The following ADAM12 variants were observed in gnomAD, a reference collection of about 807,000 sequenced individuals.
The protein encoded by ADAM12 is ADAM metallopeptidase domain 12.
Under a neutral mutation model 106.4 loss-of-function variants are expected in ADAM12, and 70 were observed. The ratio of observed to expected loss-of-function variants is 0.66; its 90% CI spans 0.54 to 0.80. ADAM12 has a LOEUF of 0.80. Among genes scored for constraint, ADAM12 ranks in the 30% least tolerant of loss-of-function variants. The probability of loss-of-function intolerance (pLI) is 0.00; values close to 1 mark genes in which losing one functional copy is unlikely to be tolerated. For missense variants in ADAM12, 1,010 were observed against 1,171.9 expected, an observed-to-expected ratio of 0.86 and a Z score of 2.02; for synonymous variants, 420 against 433.5, an observed-to-expected ratio of 0.97 and a Z score of 0.39.
intron 1 of ADAM12, among the ~76,000 whole-genome samples, chr10:126,370,166 T>G (rs747917080): frequency 1.1e-4 from 17 of 152,158 alleles, no homozygotes; most frequent in Non-Finnish European, 2.4e-4. Context: ...GGCTAACATC[T>G]TGACTGAAAC....
At chr10:126,247,677 C>A (rs762569402) in intron 3 of ADAM12, among the ~76,000 whole-genome samples, 3 of 152,172 alleles carry the variant, frequency 2.0e-5, no homozygotes, top group African/African-American at 7.2e-5. Flanking sequence ...AGTCACCAAC[C>A]AGGAATTCTT....
intron 3 of ADAM12, among the ~76,000 whole-genome samples, chr10:126,231,846 C>G (rs1958318568): frequency 6.6e-6 from 1 of 152,178 alleles, no homozygotes; most frequent in Non-Finnish European, 1.5e-5. Context: ...CCTTGACCCA[C>G]TTGTCTTCCA....
At chr10:126,251,448 A>AGATG (rs1411017487) in intron 3 of ADAM12, among the ~76,000 whole-genome samples, 1 of 28,228 alleles carries the variant, frequency 3.5e-5, no homozygotes, top group Non-Finnish European at 7.4e-5. Context: ...CCAATAGGAT[A>AGATG]GATGGATGGA....
chr10:126,239,308 T>C (rs977137767), intron 3 of ADAM12, among the ~76,000 whole-genome samples: 10 of 152,312 alleles, frequency 6.6e-5, no homozygotes, highest in Admixed American at 5.9e-4. Flanking sequence ...TAAGAACCAA[T>C]GTACTACTGG....
In ADAM12 at chr10:126,145,863, G is replaced by C. The variant is rs1956617240; in HGVS notation, c.339+9364C>G. 2.0e-5 allele frequency among the ~76,000 whole-genome samples: 3 copies of C among 152,172 alleles called. No individual in the cohort carries two copies. The South Asian group carries it at 6.2e-4, about 32-fold the overall frequency. On this transcript the variant is annotated intron_variant, in intron 4 of 22. Transcript: ENST00000448723. The stretch of plus-strand genomic sequence containing the variant: ...TGAATGAATGACTGAATAAACATAG[G>C]CATGTGTGAAAAGGTAGGGCCGTCA...
chr10:126,233,367 G>A (rs1358200753), intron 3 of ADAM12, among the ~76,000 whole-genome samples: 2 of 152,168 alleles, frequency 1.3e-5, no homozygotes, highest in Non-Finnish European at 2.9e-5. Context: ...CGGATACAGT[G>A]GAGTCCACAT....
At position 126,043,513 on chromosome 10, in the gene ADAM12, C is replaced by T. The variant is rs140397421; in HGVS notation, c.1996-365G>A. ...AGCCCCCTCAGCAGTGAGGAGGGAC[C>T]GTGCTTTGGGGCTACAGACCCAGAG... On this transcript the variant is annotated intron_variant, in intron 17 of 22. Transcript: ENST00000448723. This position sits in a 1 kb window ranked among gnomAD's most constrained non-coding sequence, Gnocchi z 4.1. 8.2e-3 allele frequency among the ~76,000 whole-genome samples: 1,241 copies of T among 152,252 alleles called. 15 individuals carry two copies. The highest frequency in any genetic ancestry group is 0.028 in the African/African-American group (1,181 of 41,560).
At chr10:126,383,843 C>A (rs1590850132) in intron 1 of ADAM12, among the ~76,000 whole-genome samples, 1 of 152,272 alleles carries the variant, frequency 6.6e-6, no homozygotes, top group East Asian at 1.9e-4. Context: ...TTTGTTTTTA[C>A]TCACAGAACT....
chr10:126,248,323 G>A (rs771068227), intron 3 of ADAM12, among the ~76,000 whole-genome samples: 5 of 152,180 alleles, frequency 3.3e-5, no homozygotes, highest in Non-Finnish European at 7.3e-5. Flanking sequence ...CCTGATATGA[G>A]AGCACTTAGC....
intron 6 of ADAM12, among the ~76,000 whole-genome samples, chr10:126,114,480 T>C (rs1428236134): frequency 1.8e-4 from 28 of 152,080 alleles, no homozygotes; most frequent in Non-Finnish European, 2.9e-5. Flanking sequence ...GCGGTTCTTT[T>C]GTTTTGTTTT....
intron 17 of ADAM12, among the ~76,000 whole-genome samples, chr10:126,045,464 C>T (rs1169213926): frequency 6.6e-6 from 1 of 152,132 alleles, no homozygotes; most frequent in East Asian, 1.9e-4. Context: ...GGAAAGGTTT[C>T]AGGAAAACAA....
intron 5 of ADAM12, among the ~76,000 whole-genome samples, chr10:126,121,142 ATATAC>A (rs1306772160): frequency 1.9e-5 from 1 of 52,718 alleles, no homozygotes; most frequent in East Asian, 5.4e-4. Flanking sequence ...TATATACTAT[ATATAC>A]TATATATACT....
intron 4 of ADAM12, among the ~76,000 whole-genome samples, chr10:126,146,975 C>T (rs1419667525): frequency 6.6e-6 from 1 of 152,142 alleles, no homozygotes; most frequent in East Asian, 1.9e-4. Context: ...GATAGTCATC[C>T]GCCCTGACGT....
At chr10:126,258,629 ACT>A (rs1781390981) in intron 3 of ADAM12, among the ~76,000 whole-genome samples, 1 of 151,098 alleles carries the variant, frequency 6.6e-6, no homozygotes, top group African/African-American at 2.4e-5. Context: ...CTTTTTTATT[ACT>A]CTCTCAGCCC....
intron 3 of ADAM12, among the ~76,000 whole-genome samples, chr10:126,214,267 C>A (rs1261566386): frequency 1.3e-5 from 2 of 152,124 alleles, no homozygotes; most frequent in East Asian, 3.9e-4. Context: ...CTGGCTCGAC[C>A]CTTCATTAGC....
At chr10:126,312,603 G>A (rs952674898) in intron 2 of ADAM12, among the ~76,000 whole-genome samples, 25 of 152,150 alleles carry the variant, frequency 1.6e-4, no homozygotes, top group African/African-American at 5.3e-4. Context: ...CTTTAAGGAG[G>A]AGGAGAACAT....
intron 2 of ADAM12, among the ~76,000 whole-genome samples, chr10:126,291,110 A>G (rs1227001219): frequency 1.3e-5 from 2 of 152,352 alleles, no homozygotes; most frequent in East Asian, 3.9e-4. Context: ...TTCCCATTCA[A>G]AGTGCATTTA....
At chr10:126,311,136 C>CACA (rs767075141) in intron 2 of ADAM12, among the ~76,000 whole-genome samples, 1 of 150,872 alleles carries the variant, frequency 6.6e-6, no homozygotes, top group South Asian at 2.1e-4. Flanking sequence ...CACACACACA[C>CACA]ACCTGCACGC....
At chr10:126,353,187 A>T (rs1157721093) in intron 1 of ADAM12, among the ~76,000 whole-genome samples, 4 of 152,334 alleles carry the variant, frequency 2.6e-5, no homozygotes, top group Non-Finnish European at 5.9e-5. Flanking sequence ...TTGAACACTG[A>T]TATCAATGAG....
Sources: gnomAD v4.1 joint callset for allele counts (sites outside exome capture counted in the v4.1 genomes callset) on GRCh38, gnomAD v4.1.1 for gene constraint, Gnocchi (gnomAD v3.1) non-coding constraint, MANE v1.5 for transcripts, NCBI Gene and HGNC (gene_info 2026-07-23, HGNC 2026-07-21) for gene names.